GATAD1: variants seen among roughly 807,000 people sequenced by gnomAD.
The protein encoded by GATAD1 is GATA zinc finger domain-containing protein 1.
In GATAD1, 12 loss-of-function variants were observed where a neutral mutation model predicts 26.5. The observed-to-expected ratio is 0.45, with a 90% CI of 0.29 to 0.73. The LOEUF (loss-of-function observed/expected upper bound fraction) is 0.73, where lower values mean the gene tolerates loss of function less well. Ranked by LOEUF, GATAD1 falls within the 30% of genes least tolerant of loss-of-function variation. GATAD1 has a pLI of 0.10. For synonymous variants in GATAD1, 129 were observed against 133.1 expected (o/e 0.97, Z 0.21); for missense variants, 266 against 342.1 (o/e 0.78, Z 1.75).
intron 2 of GATAD1, chr7:92,450,450 A>G: frequency 2.1e-6 from 1 of 474,932 alleles, no homozygotes; most frequent in African/African-American, 2.0e-5. Context: ...ACTTTGCATT[A>G]GATCTCAGCA....
chr7:92,463,850 T>G (rs1333608992), downstream of GATAD1, among the ~76,000 whole-genome samples: 1 of 151,678 alleles, frequency 6.6e-6, no homozygotes, highest in Non-Finnish European at 1.5e-5. Context: ...GTGCCTGTAG[T>G]CCCAGCTGCT....
chr7:92,468,360 A>G, the GATAD1 span: 27 of 170,528 alleles, frequency 1.6e-4, no homozygotes, highest in Non-Finnish European at 2.9e-4. Flanking sequence ...TCAAGCCGTA[A>G]GAAACATGGA....
the GATAD1 span, among the ~76,000 whole-genome samples, chr7:92,482,202 G>C: frequency 6.6e-6 from 1 of 152,162 alleles, no homozygotes; most frequent in Non-Finnish European, 1.5e-5. Context: ...GGGTGTCAGG[G>C]TCAGTCCAGG....
chr7:92,485,004 T>C, the GATAD1 span, among the ~76,000 whole-genome samples: 1 of 150,538 alleles, frequency 6.6e-6, no homozygotes, highest in African/African-American at 2.5e-5. Flanking sequence ...AGTGGAAAAT[T>C]ATAATCAAAG....
At chr7:92,488,321 ATTC>A in the GATAD1 span, among the ~76,000 whole-genome samples, 1 of 152,144 alleles carries the variant, frequency 6.6e-6, no homozygotes, top group Non-Finnish European at 1.5e-5. Flanking sequence ...CTGTTTTCTG[ATTC>A]TTCTTTAATA....
chr7:92,469,072 G>C, the GATAD1 span: 9 of 704,214 alleles, frequency 1.3e-5, no homozygotes, highest in East Asian at 8.0e-5. Flanking sequence ...GAGGCCCCAG[G>C]GTCCAGTGTT....
the GATAD1 span, among the ~76,000 whole-genome samples, chr7:92,481,492 C>A: frequency 6.6e-6 from 1 of 152,098 alleles, no homozygotes; most frequent in Non-Finnish European, 1.5e-5. Flanking sequence ...CGGAAGCTAC[C>A]GCATGGAGAC....
At chr7:92,448,953 T>C in intron 2 of GATAD1, 76 bp downstream of exon 2, 2 of 1,445,682 alleles carry the variant, frequency 1.4e-6, no homozygotes, top group Admixed American at 1.7e-5. Flanking sequence ...TTTCTCACCA[T>C]TGAACTTGGA....
At chr7:92,456,339 A>G (rs751784529) in intron 4 of GATAD1, 33 bp from the exon 5 acceptor site, 13 of 1,427,568 alleles carry the variant, frequency 9.1e-6, no homozygotes, top group Non-Finnish European at 1.9e-6. Context: ...ATGGTCAAAA[A>G]TGTATTTAAC....
Position 92,457,117 on chromosome 7 carries a change from C to T in GATAD1, c.*555C>T, listed in dbSNP as rs1165441744. Reference sequence around the variant, plus strand: ...GAGGTTGTAGTGAGCCAAGATTGCACCGCTGTGCTCCAGCCTGGGCAACAG... The same window carrying T: ...GAGGTTGTAGTGAGCCAAGATTGCATCGCTGTGCTCCAGCCTGGGCAACAG... On this transcript the variant is annotated 3_prime_UTR_variant, in exon 5 of 5. Transcript: ENST00000287957. The T allele has an allele frequency of 2.0e-5, 3 of 148,750 alleles. No individual in the cohort carries two copies. Among genetic ancestry groups the T allele is most frequent in the African/African-American group, 7.5e-5 (3 of 40,088 alleles). 9.2% of individuals were successfully genotyped at this position (148,750 alleles called of 1,614,324 possible). A position where few individuals can be genotyped will look rare whatever the true frequency, so the allele number is the denominator to read the frequency against.
In GATAD1 at chr7:92,447,590, T is replaced by C; in HGVS notation, c.-140T>C. ...CCACGGGGCAGCGCCAGCGGCCTGG[T>C]CCTTTCACCGGCAGCTCCGTGCCGA... On this transcript the variant is annotated 5_prime_UTR_variant, in exon 1 of 5. Transcript: ENST00000287957. 1 of 1,153,288 alleles carries C rather than the reference T, an allele frequency of 8.7e-7. No individual in the cohort carries two copies. Among genetic ancestry groups the C allele is most frequent in the South Asian group, 2.2e-5 (1 of 45,364 alleles). The allele number at this position is 1,153,288 out of a possible 1,614,324, so 71.4% of individuals were successfully genotyped here.
chr7:92,456,108 G>C (rs576899719), intron 4 of GATAD1, among the ~76,000 whole-genome samples: 1 of 152,272 alleles, frequency 6.6e-6, no homozygotes, highest in South Asian at 2.1e-4. Context: ...TGAAGGTATT[G>C]ATACATGTAA....
At chr7:92,462,078 A>C (rs1789940166), downstream of GATAD1, among the ~76,000 whole-genome samples, 1 of 152,240 alleles carries the variant, frequency 6.6e-6, no homozygotes, top group Non-Finnish European at 1.5e-5. Context: ...AAGTATTAAA[A>C]GTACTTCTTG....
chr7:92,462,394 A>G (rs937704341), downstream of GATAD1, among the ~76,000 whole-genome samples: 1 of 152,012 alleles, frequency 6.6e-6, no homozygotes, highest in African/African-American at 2.4e-5. Context: ...AAACACACAC[A>G]TATACACATG....
rs1415131556 is a variant in GATAD1, at chr7:92,447,580, A to G, written c.-150A>G. The G allele has an allele frequency of 2.8e-6, 3 of 1,061,564 alleles. No individual in the cohort carries two copies. Among genetic ancestry groups the G allele is most frequent in the East Asian group, 3.6e-5 (1 of 27,772 alleles). 65.8% of individuals were successfully genotyped at this position (1,061,564 alleles called of 1,614,324 possible). Reference sequence around the variant, plus strand: ...CTTCCCGCCTCCACGGGGCAGCGCCAGCGGCCTGGTCCTTTCACCGGCAGC... The same window carrying G: ...CTTCCCGCCTCCACGGGGCAGCGCCGGCGGCCTGGTCCTTTCACCGGCAGC... On this transcript the variant is annotated 5_prime_UTR_variant, in exon 1 of 5. Transcript: ENST00000287957.
At chr7:92,466,865 G>A in the GATAD1 span, among the ~76,000 whole-genome samples, 1 of 152,142 alleles carries the variant, frequency 6.6e-6, no homozygotes, top group Admixed American at 6.5e-5. Context: ...ATAGCTTGGT[G>A]CAAGGTACTC....
At chr7:92,453,047 A>T (rs1789506499) in intron 3 of GATAD1, among the ~76,000 whole-genome samples, 1 of 152,190 alleles carries the variant, frequency 6.6e-6, no homozygotes. Flanking sequence ...GCCTGCATAG[A>T]CCAGACCCAT....
chr7:92,470,202 G>A, the GATAD1 span: 1 of 778,584 alleles, frequency 1.3e-6, no homozygotes, highest in Non-Finnish European at 2.4e-6. Context: ...CAGTGAAGGT[G>A]GGGGTTCCCT....
chr7:92,474,155 A>C, the GATAD1 span, among the ~76,000 whole-genome samples: 1 of 151,842 alleles, frequency 6.6e-6, no homozygotes, highest in Non-Finnish European at 1.5e-5. Flanking sequence ...CCTTTTTTTT[A>C]ATCCCGTTTG....
Sources: allele counts gnomAD v4.1 joint callset (sites outside exome capture counted in the v4.1 genomes callset), GRCh38; gene constraint gnomAD v4.1.1; transcripts MANE v1.5; gene names NCBI Gene and HGNC (gene_info 2026-07-23, HGNC 2026-07-21).